Variants in CELF2 observed in about 807,000 individuals in gnomAD.
CELF2 encodes the protein CUG triplet repeat RNA-binding protein 2.
A neutral mutation model predicts 62.6 loss-of-function variants in CELF2; 8 were observed. The observed-to-expected ratio is 0.13, with a 90% confidence interval of 0.07 to 0.23. The LOEUF (loss-of-function observed/expected upper bound fraction) is 0.23. Ranked by LOEUF, CELF2 falls within the 10% of genes least tolerant of loss-of-function variation. The pLI is 1.00. For synonymous variants in CELF2, 258 were observed against 250.0 expected, an observed-to-expected ratio of 1.03 and a Z score of -0.30; for missense variants, 333 against 671.0, an observed-to-expected ratio of 0.50 and a Z score of 5.56.
the CELF2 span, among the ~76,000 whole-genome samples, chr10:10,569,296 G>C: frequency 6.6e-6 from 1 of 152,156 alleles, no homozygotes; most frequent in Non-Finnish European, 1.5e-5. Flanking sequence ...AAGGACAAAG[G>C]CATGTCTAAA....
chr10:11,065,373 C>A (rs2067819109), intron 1 of CELF2, among the ~76,000 whole-genome samples: 1 of 152,174 alleles, frequency 6.6e-6, no homozygotes, highest in South Asian at 2.1e-4. Flanking sequence ...AATTCTTGAA[C>A]TGCTAAAGGG....
the CELF2 span, among the ~76,000 whole-genome samples, chr10:10,506,268 TC>T: frequency 1.7e-5 from 1 of 60,256 alleles, no homozygotes; most frequent in African/African-American, 5.1e-5. Context: ...AAGATGCACT[TC>T]GTGTGTGTGT....
chr10:11,200,603 G>T (rs1469136806), intron 2 of CELF2, among the ~76,000 whole-genome samples: 2 of 152,218 alleles, frequency 1.3e-5, no homozygotes, highest in African/African-American at 4.8e-5. Flanking sequence ...ATGGTGCAGG[G>T]TCTCCCTCTT....
At chr10:10,848,954 A>G (rs955340496) in intron 1 of CELF2, among the ~76,000 whole-genome samples, 2 of 152,092 alleles carry the variant, frequency 1.3e-5, no homozygotes, top group African/African-American at 2.4e-5. Flanking sequence ...GGTGAAGGGG[A>G]AAAAAATCAG....
At chr10:10,911,767 T>C (rs997498354) in intron 1 of CELF2, among the ~76,000 whole-genome samples, 2 of 152,222 alleles carry the variant, frequency 1.3e-5, no homozygotes, top group African/African-American at 2.4e-5. Context: ...TTCGTTCCTA[T>C]GAATGTAGGC....
the CELF2 span, among the ~76,000 whole-genome samples, chr10:10,471,648 A>G: frequency 4.6e-5 from 7 of 151,880 alleles, no homozygotes; most frequent in South Asian, 6.2e-4. Flanking sequence ...TTGTATCTAC[A>G]ATATAAACAC....
chr10:10,739,181 T>C, the CELF2 span, among the ~76,000 whole-genome samples: 189 of 152,320 alleles, frequency 1.2e-3, no homozygotes, highest in Middle Eastern at 6.8e-3. Flanking sequence ...ATTCATATTA[T>C]ATATTAGTAG....
At chr10:10,672,736 C>G in the CELF2 span, among the ~76,000 whole-genome samples, 1 of 152,010 alleles carries the variant, frequency 6.6e-6, no homozygotes, top group Admixed American at 6.6e-5. Context: ...TATCAGTCTA[C>G]AAACTTCATT....
intron 9 of CELF2, among the ~76,000 whole-genome samples, chr10:11,303,449 G>A (rs540239001): frequency 1.3e-5 from 2 of 152,338 alleles, no homozygotes; most frequent in Admixed American, 6.5e-5. Context: ...GCTGTAAAAT[G>A]AAGTGTAAAG....
At chr10:10,728,499 G>GA in the CELF2 span, among the ~76,000 whole-genome samples, 1 of 141,218 alleles carries the variant, frequency 7.1e-6, no homozygotes, top group African/African-American at 2.6e-5. Context: ...TGCAAGCAAA[G>GA]AAACAGGGGC....
At chr10:11,180,689 C>T (rs932825070) in intron 2 of CELF2, among the ~76,000 whole-genome samples, 5 of 152,140 alleles carry the variant, frequency 3.3e-5, no homozygotes, top group Non-Finnish European at 7.4e-5. Flanking sequence ...CTGGAGTACT[C>T]GCCATGCGCT....
chr10:11,034,929 C>G (rs141884136), intron 1 of CELF2, among the ~76,000 whole-genome samples: 29 of 152,142 alleles, frequency 1.9e-4, no homozygotes, highest in Admixed American at 1.8e-3. Context: ...ACCTGAGGCT[C>G]TGTTTTGTGC....
intron 5 of CELF2, among the ~76,000 whole-genome samples, chr10:11,263,945 A>G (rs956787604): frequency 1.8e-4 from 27 of 152,266 alleles, no homozygotes; most frequent in African/African-American, 5.3e-4. Flanking sequence ...TTCAACATGC[A>G]CTCCCACTTT....
chr10:10,613,416 C>CA, the CELF2 span, among the ~76,000 whole-genome samples: 1 of 152,150 alleles, frequency 6.6e-6, no homozygotes, highest in African/African-American at 2.4e-5. Context: ...GAAAAATAAA[C>CA]ACAGTGGAAT....
intron 1 of CELF2, among the ~76,000 whole-genome samples, chr10:11,082,325 A>G (rs1054082325): frequency 3.3e-5 from 5 of 152,214 alleles, no homozygotes; most frequent in African/African-American, 4.8e-5. Flanking sequence ...CGTTGCAGTG[A>G]TAAGGATGAG....
chr10:10,545,877 A>C, the CELF2 span, among the ~76,000 whole-genome samples: 1,042 of 152,318 alleles, frequency 6.8e-3, 8 homozygotes, highest in African/African-American at 0.024. Context: ...AGCAACCTTT[A>C]AATAAAGAGC....
In CELF2 at chr10:11,008,811, T is replaced by C. The variant is rs1484415624; in HGVS notation, c.53+3371T>C. 6.6e-6 allele frequency among the ~76,000 whole-genome samples: 1 copy of C among 152,144 alleles called. No homozygotes were observed. Among genetic ancestry groups the C allele is most frequent in the Non-Finnish European group, 1.5e-5 (1 of 68,024 alleles). On this transcript the variant is annotated intron_variant, in intron 1 of 12. Transcript: ENST00000416382. This position sits in a 1 kb window ranked among gnomAD's most constrained non-coding sequence, Gnocchi z 4.5. ...GAAATATCCCACTTAGATTTCTTTG[T>C]ATGGAGATTTCTGTAACAGTCATTA...
At chr10:11,183,286 C>T (rs2073977777) in intron 2 of CELF2, among the ~76,000 whole-genome samples, 1 of 152,194 alleles carries the variant, frequency 6.6e-6, no homozygotes, top group African/African-American at 2.4e-5. Context: ...TCATTGATTC[C>T]TTTTGATTGC....
chr10:10,759,781 C>T, the CELF2 span, among the ~76,000 whole-genome samples: 12 of 152,170 alleles, frequency 7.9e-5, no homozygotes, highest in Admixed American at 6.5e-5. Flanking sequence ...GGGAACCAGA[C>T]TCCAAGTATT....
Sources: gnomAD v4.1 joint callset for allele counts (sites outside exome capture counted in the v4.1 genomes callset) on GRCh38, gnomAD v4.1.1 for gene constraint, Gnocchi (gnomAD v3.1) non-coding constraint, MANE v1.5 for transcripts, NCBI Gene and HGNC (gene_info 2026-07-23, HGNC 2026-07-21) for gene names.